DCK: variants seen among roughly 807,000 people sequenced by gnomAD.
DCK encodes deoxycytidine kinase.
In DCK, 23 loss-of-function variants were observed where a neutral mutation model predicts 38.3. That is an observed-to-expected ratio of 0.60 (90% CI 0.43 to 0.85). The LOEUF is 0.85. Among genes scored for constraint, DCK ranks in the 40% least tolerant of loss-of-function variants. DCK has a pLI of 0.00. For missense variants in DCK, 259 were observed against 304.4 expected (o/e 0.85, Z 1.11); for synonymous variants, 108 against 100.6 (o/e 1.07, Z -0.44).
chr4:71,028,136 T>C (rs984794389), intron 6 of DCK, among the ~76,000 whole-genome samples: 9 of 152,248 alleles, frequency 5.9e-5, no homozygotes, highest in Admixed American at 2.6e-4. Context: ...TTCACATATG[T>C]GCTTCAGAAA....
intron 2 of DCK, among the ~76,000 whole-genome samples, chr4:71,011,171 G>C (rs1301922244): frequency 6.7e-6 from 1 of 149,342 alleles, no homozygotes; most frequent in African/African-American, 2.5e-5. Flanking sequence ...TTGAACTCCT[G>C]ACCTCAAGTG....
intron 6 of DCK, 84 bp downstream of exon 6, chr4:71,026,839 A>G: frequency 1.5e-6 from 1 of 674,614 alleles, no homozygotes; most frequent in East Asian, 2.8e-5. Context: ...TCTAACAGAA[A>G]AGCTTCCATA....
At chr4:70,999,860 T>C (rs1739758164) in intron 2 of DCK, among the ~76,000 whole-genome samples, 1 of 152,218 alleles carries the variant, frequency 6.6e-6, no homozygotes, top group African/African-American at 2.4e-5. Context: ...CACTTTCTGA[T>C]TGGGTTGTTT....
intron 2 of DCK, among the ~76,000 whole-genome samples, chr4:71,017,314 A>G (rs1740297336): frequency 6.6e-6 from 1 of 152,184 alleles, no homozygotes; most frequent in Non-Finnish European, 1.5e-5. Flanking sequence ...AAATGGGAAC[A>G]CTTTTCCACT....
intron 2 of DCK, among the ~76,000 whole-genome samples, chr4:71,013,545 A>G (rs1401238576): frequency 6.6e-6 from 1 of 152,224 alleles, no homozygotes; most frequent in African/African-American, 2.4e-5. Flanking sequence ...AGCCCATCAG[A>G]CTAACAGTGG....
intron 2 of DCK, among the ~76,000 whole-genome samples, chr4:71,014,200 A>G (rs1295316545): frequency 2.0e-5 from 3 of 152,264 alleles, no homozygotes; most frequent in East Asian, 3.8e-4. Flanking sequence ...AAAGGGATCA[A>G]TACAACAACA....
intron 6 of DCK, among the ~76,000 whole-genome samples, chr4:71,027,724 A>T (rs1377820702): frequency 6.6e-6 from 1 of 152,170 alleles, no homozygotes; most frequent in Non-Finnish European, 1.5e-5. Flanking sequence ...GTATGAACTA[A>T]AGCTTATCTG....
At chr4:71,023,462 T>A (rs1740476421) in intron 3 of DCK, 97 bp from the exon 4 acceptor site, 1 of 823,582 alleles carries the variant, frequency 1.2e-6, no homozygotes, top group Non-Finnish European at 1.9e-6. Flanking sequence ...TATGTGCCAC[T>A]GGATTTAGGA....
At chr4:71,025,622 C>T (rs932372456) in intron 4 of DCK, among the ~76,000 whole-genome samples, 194 bp from the exon 5 acceptor site, 45 of 152,000 alleles carry the variant, frequency 3.0e-4, no homozygotes, top group African/African-American at 1.1e-3. Flanking sequence ...TTTGAAAGTA[C>T]TGCTTGGCTT....
chr4:71,012,280 G>C (rs1180179053), intron 2 of DCK, among the ~76,000 whole-genome samples: 1 of 152,200 alleles, frequency 6.6e-6, no homozygotes, highest in African/African-American at 2.4e-5. Context: ...AGCTGGAACT[G>C]GGTGGAGCCC....
chr4:71,017,941 A>G (rs545408784), intron 2 of DCK, among the ~76,000 whole-genome samples: 2 of 152,136 alleles, frequency 1.3e-5, no homozygotes, highest in Non-Finnish European at 1.5e-5. Context: ...AAAAATTTAT[A>G]TATCAGGGCA....
intron 2 of DCK, among the ~76,000 whole-genome samples, chr4:71,009,101 A>T (rs1740024599): frequency 6.6e-6 from 1 of 152,238 alleles, no homozygotes; most frequent in Admixed American, 6.5e-5. Context: ...GACACCCTGA[A>T]TGATTCGATT....
At chr4:71,024,760 A>G (rs1030294145) in intron 4 of DCK, among the ~76,000 whole-genome samples, 1 of 152,198 alleles carries the variant, frequency 6.6e-6, no homozygotes, top group East Asian at 1.9e-4. Flanking sequence ...AAAATGTGAA[A>G]AAGAACATAA....
chr4:71,023,557 AG>A lies in DCK; in HGVS notation c.402del. 1.3e-6 allele frequency: 2 copies of A among 1,560,930 alleles called. No individual in the cohort carries two copies. The highest frequency in any genetic ancestry group is 1.7e-6 in the Non-Finnish European group (2 of 1,144,100). The stretch of plus-strand genomic sequence containing the variant: ...CATGTGTTGATGAAGACTCTCTTTT[AG>A]GTATATTTTTGCATCTAATTTGTAT... On this transcript the variant is annotated splice_acceptor_variant, in intron 3 of 6. Coordinates refer to ENST00000286648, the MANE Select transcript of DCK (RefSeq NM_000788.3). LOFTEE classifies it high-confidence loss of function.
chr4:71,020,403 C>T (rs555949527), intron 2 of DCK, among the ~76,000 whole-genome samples: 13 of 152,192 alleles, frequency 8.5e-5, no homozygotes, highest in African/African-American at 2.4e-4. Flanking sequence ...TTGATTCATC[C>T]GTTGTAAAAT....
chr4:71,022,245 C>A, intron 2 of DCK, 122 bp from the exon 3 acceptor site: 1 of 532,068 alleles, frequency 1.9e-6, no homozygotes, highest in East Asian at 3.2e-5. Context: ...ACTTAATCAT[C>A]TTGGTTTTGC....
intron 2 of DCK, among the ~76,000 whole-genome samples, chr4:70,999,124 C>T (rs1246242736): frequency 6.6e-6 from 1 of 152,032 alleles, no homozygotes; most frequent in Non-Finnish European, 1.5e-5. Context: ...CACCCGTCAA[C>T]CCGTCATCTA....
chr4:71,010,622 ATATT>A (rs1189260273), intron 2 of DCK, among the ~76,000 whole-genome samples: 5 of 147,530 alleles, frequency 3.4e-5, no homozygotes, highest in African/African-American at 4.9e-5. Context: ...ATTTTATATT[ATATT>A]TATATATAAA....
chr4:71,027,110 C>A (rs978736944), intron 6 of DCK, among the ~76,000 whole-genome samples: 2 of 151,666 alleles, frequency 1.3e-5, no homozygotes, highest in African/African-American at 4.8e-5. Context: ...TGCTTTGTCC[C>A]CATTTCTTCC....
Sources: gnomAD v4.1 joint callset for allele counts (sites outside exome capture counted in the v4.1 genomes callset) on GRCh38, gnomAD v4.1.1 for gene constraint, MANE v1.5 for transcripts, NCBI Gene and HGNC (gene_info 2026-07-23, HGNC 2026-07-21) for gene names.